The following PRKN variants were observed in gnomAD, a reference collection of about 807,000 sequenced individuals.
The protein encoded by PRKN is E3 ubiquitin-protein ligase parkin.
A neutral mutation model predicts 59.5 loss-of-function variants in PRKN; 56 were observed. That is an observed-to-expected ratio of 0.94 (90% CI 0.76 to 1.18). The LOEUF is 1.18. Among genes scored for constraint, PRKN ranks in the 50% most tolerant of loss-of-function variants. The pLI, the probability that PRKN is intolerant of heterozygous loss-of-function variation, is 0.00. For missense variants in PRKN, 657 were observed against 596.4 expected, an observed-to-expected ratio of 1.10 and a Z score of -1.06; for synonymous variants, 250 against 222.1, an observed-to-expected ratio of 1.13 and a Z score of -1.12.
chr6:162,520,032 T>C (rs1236255910), intron 1 of PRKN, among the ~76,000 whole-genome samples: 1 of 152,146 alleles, frequency 6.6e-6, no homozygotes, highest in Non-Finnish European at 1.5e-5. Context: ...GGAGGACTGC[T>C]TGAGACCAGG....
At chr6:162,692,313 A>G (rs1777805232) in intron 1 of PRKN, among the ~76,000 whole-genome samples, 1 of 152,198 alleles carries the variant, frequency 6.6e-6, no homozygotes, top group Non-Finnish European at 1.5e-5. Flanking sequence ...AAAGAAAAGA[A>G]AAGATTGGCT....
rs563389038 is a variant in PRKN at position 161,798,786 on chromosome 6, T to C, written c.735-12878A>G. On this transcript the variant is annotated intron_variant, in intron 6 of 11. Transcript: ENST00000366898. ...TTAGTTTTAAGGCTCCTTTGTTCTT[T>C]TTTCAACTAAGTCAGCTGATCACCA... 9.4e-4 allele frequency among the ~76,000 whole-genome samples: 143 copies of C among 152,332 alleles called. No individual in the cohort carries two copies. In the Middle Eastern group the frequency reaches 0.01, roughly 11 times the overall value.
At chr6:162,710,233 C>T (rs550349473) in intron 1 of PRKN, among the ~76,000 whole-genome samples, 5 of 152,108 alleles carry the variant, frequency 3.3e-5, no homozygotes, top group South Asian at 4.2e-4. Flanking sequence ...TTGATTAACA[C>T]GGAGCTGCTG....
chr6:162,188,730 T>A lies in PRKN; in HGVS notation c.534+12401A>T, dbSNP rs537045484. On this transcript the variant is annotated intron_variant, in intron 4 of 11. Coordinates refer to ENST00000366898, the MANE Select transcript of PRKN (RefSeq NM_004562.3). Reference sequence around the variant, plus strand: ...GCCCTAGGAAGTAAATCATTGTAGCTGCTTTAAACATTTGAAGAGCCTACA... The same window carrying A: ...GCCCTAGGAAGTAAATCATTGTAGCAGCTTTAAACATTTGAAGAGCCTACA... 3.3e-5 allele frequency among the ~76,000 whole-genome samples: 5 copies of A among 151,968 alleles called. No homozygotes were observed. In the South Asian group the frequency reaches 8.3e-4, roughly 25 times the overall value.
At chr6:161,746,032 A>G (rs1399571297) in intron 7 of PRKN, among the ~76,000 whole-genome samples, 1 of 152,200 alleles carries the variant, frequency 6.6e-6, no homozygotes, top group Non-Finnish European at 1.5e-5. Flanking sequence ...TGCCAAAACA[A>G]AATGCTCACA....
chr6:161,659,731 C>T (rs762068354), intron 7 of PRKN, among the ~76,000 whole-genome samples: 4 of 151,472 alleles, frequency 2.6e-5, no homozygotes, highest in Admixed American at 6.5e-5. Context: ...GGTCAGATCT[C>T]GGCTTGTCGT....
chr6:162,426,210 C>T (rs145514981), intron 2 of PRKN, among the ~76,000 whole-genome samples: 19 of 152,206 alleles, frequency 1.2e-4, no homozygotes, highest in East Asian at 3.9e-4. Flanking sequence ...AATATAACAA[C>T]GTAGTATTGG....
chr6:161,848,949 G>A (rs1338518966), intron 6 of PRKN, among the ~76,000 whole-genome samples: 1 of 152,178 alleles, frequency 6.6e-6, no homozygotes, highest in African/African-American at 2.4e-5. Context: ...TGGTGACTAC[G>A]GATATTTTTA....
At chr6:162,394,958 A>T (rs1787398346) in intron 2 of PRKN, among the ~76,000 whole-genome samples, 1 of 152,218 alleles carries the variant, frequency 6.6e-6, no homozygotes, top group South Asian at 2.1e-4. Flanking sequence ...AATGAAAGCC[A>T]GGGGTTGTCT....
chr6:161,542,118 A>G (rs554831834), intron 9 of PRKN, among the ~76,000 whole-genome samples: 12 of 152,304 alleles, frequency 7.9e-5, no homozygotes, highest in Non-Finnish European at 1.3e-4. Context: ...CATTTAGTAA[A>G]CAGAAAATAC....
chr6:161,716,065 C>T, intron 7 of PRKN: 1 of 1,302,932 alleles, frequency 7.7e-7, no homozygotes, highest in Non-Finnish European at 1.0e-6. Context: ...CTGTGCTGGG[C>T]CCATCTTACC....
chr6:161,572,567 G>A (rs1014959854), intron 7 of PRKN, among the ~76,000 whole-genome samples: 1 of 152,166 alleles, frequency 6.6e-6, no homozygotes, highest in Non-Finnish European at 1.5e-5. Context: ...GGCTGAGGCA[G>A]GAGAATCGCT....
chr6:162,448,218 CAT>C lies in PRKN; in HGVS notation c.8-4747_8-4746del, dbSNP rs536658703. Among the ~76,000 whole-genome samples the C allele has an allele frequency of 4.0e-3, 616 of 152,262 alleles. 5 individuals carry two copies. The highest frequency in any genetic ancestry group is 0.013 in the African/African-American group (531 of 41,546). On this transcript the variant is annotated intron_variant, in intron 1 of 11. Coordinates refer to ENST00000366898, the MANE Select transcript of PRKN (RefSeq NM_004562.3). Reference sequence around the variant, plus strand: ...TTGCGGCAACACAAAAGTAACTCCACATGTTTCCAAATGTCCCTTGCCTGGGA... The same window carrying C: ...TTGCGGCAACACAAAAGTAACTCCACGTTTCCAAATGTCCCTTGCCTGGGA...
intron 6 of PRKN, among the ~76,000 whole-genome samples, chr6:161,887,537 T>G (rs2128231169): frequency 6.6e-6 from 1 of 152,320 alleles, no homozygotes; most frequent in Non-Finnish European, 1.5e-5. Flanking sequence ...TTCAGCAAGT[T>G]AGTGAAACTT....
chr6:161,806,339 C>T (rs1041801573), intron 6 of PRKN, among the ~76,000 whole-genome samples: 1 of 152,250 alleles, frequency 6.6e-6, no homozygotes, highest in East Asian at 1.9e-4. Flanking sequence ...TGTGGCTTCC[C>T]GAACACAGGA....
intron 6 of PRKN, among the ~76,000 whole-genome samples, chr6:161,841,081 G>A (rs962683024): frequency 2.6e-5 from 4 of 152,146 alleles, no homozygotes; most frequent in African/African-American, 9.7e-5. Flanking sequence ...TATACCAAAA[G>A]GAATATAAAT....
rs1226642396 is a variant in PRKN, at chr6:161,467,407, C to T, written c.1084-80530G>A. Among the ~76,000 whole-genome samples the T allele has an allele frequency of 3.3e-5, 5 of 152,200 alleles. No homozygotes were observed. The highest frequency in any genetic ancestry group is 6.5e-5 in the Admixed American group (1 of 15,286). On this transcript the variant is annotated intron_variant, in intron 9 of 11. Coordinates refer to ENST00000366898, the MANE Select transcript of PRKN (RefSeq NM_004562.3). This position sits in a 1 kb window ranked among gnomAD's most constrained non-coding sequence, Gnocchi z 4.3. ...ATTAACTGATAAGTTCAGTCCAGCA[C>T]ACACTTACCAAGTTCTTGTATGTGC...
intron 9 of PRKN, among the ~76,000 whole-genome samples, chr6:161,504,662 T>G (rs1267122118): frequency 6.9e-6 from 1 of 144,572 alleles, no homozygotes. Flanking sequence ...CTCCCAATGC[T>G]ATCCCTCCCC....
intron 9 of PRKN, among the ~76,000 whole-genome samples, chr6:161,406,724 T>G (rs1344456340): frequency 6.6e-6 from 1 of 152,182 alleles, no homozygotes; most frequent in Non-Finnish European, 1.5e-5. Flanking sequence ...TTGTGTTCAG[T>G]GATGAGCAAG....
Sources: gnomAD v4.1 joint callset for allele counts (sites outside exome capture counted in the v4.1 genomes callset) on GRCh38, gnomAD v4.1.1 for gene constraint, Gnocchi (gnomAD v3.1) non-coding constraint, MANE v1.5 for transcripts, NCBI Gene and HGNC (gene_info 2026-07-23, HGNC 2026-07-21) for gene names.